Variants in GALNT9 observed in about 807,000 individuals in gnomAD.
GALNT9 encodes GalNAc transferase 9.
A neutral mutation model predicts 63.1 loss-of-function variants in GALNT9; 47 were observed. The ratio of observed to expected loss-of-function variants is 0.75; its 90% CI spans 0.59 to 0.95. The LOEUF (loss-of-function observed/expected upper bound fraction) is 0.95, where lower values mean the gene tolerates loss of function less well. Among genes scored for constraint, GALNT9 ranks in the 40% least tolerant of loss-of-function variants. GALNT9 has a pLI of 0.00. For synonymous variants in GALNT9, 396 were observed against 365.7 expected (o/e 1.08, Z -0.94); for missense variants, 829 against 874.8 (o/e 0.95, Z 0.66).
At chr12:132,198,716 G>A (rs1477724929) in intron 9 of GALNT9, among the ~76,000 whole-genome samples, 1 of 152,140 alleles carries the variant, frequency 6.6e-6, no homozygotes, top group Non-Finnish European at 1.5e-5. Context: ...GAGTGCACTG[G>A]TGTGATCTCA....
At chr12:132,259,823 C>T (rs999740624) in intron 4 of GALNT9, among the ~76,000 whole-genome samples, 1 of 152,144 alleles carries the variant, frequency 6.6e-6, no homozygotes, top group Non-Finnish European at 1.5e-5. Context: ...CCATATTTCC[C>T]TGAGTTGAAA....
chr12:132,250,754 G>A (rs868918427), intron 5 of GALNT9, among the ~76,000 whole-genome samples: 2 of 152,196 alleles, frequency 1.3e-5, no homozygotes, highest in African/African-American at 2.4e-5. Context: ...TGACGCCACT[G>A]CACTCCAGCC....
At chr12:132,203,020 C>T (rs1339115600) in intron 7 of GALNT9, among the ~76,000 whole-genome samples, 4 of 152,160 alleles carry the variant, frequency 2.6e-5, no homozygotes, top group Non-Finnish European at 4.4e-5. Context: ...GTGACTCAGC[C>T]ATGGTGGGGG....
intron 6 of GALNT9, among the ~76,000 whole-genome samples, chr12:132,227,301 C>T (rs1022691353): frequency 6.6e-6 from 1 of 152,212 alleles, no homozygotes; most frequent in African/African-American, 2.4e-5. Flanking sequence ...TGCATGGTGC[C>T]GTCCCCGAAC....
At chr12:132,322,487 G>C (rs933213099) in intron 1 of GALNT9, among the ~76,000 whole-genome samples, 6 of 152,244 alleles carry the variant, frequency 3.9e-5, no homozygotes, top group Non-Finnish European at 8.8e-5. Context: ...TTCGAGCACA[G>C]CAAGCACCCA....
chr12:132,295,459 T>C (rs1375833180), intron 1 of GALNT9, among the ~76,000 whole-genome samples: 2 of 151,884 alleles, frequency 1.3e-5, no homozygotes, highest in Non-Finnish European at 2.9e-5. Context: ...CGGTCTTCGC[T>C]GACGTCATCA....
chr12:132,221,597 GT>G (rs1332676105), intron 6 of GALNT9, among the ~76,000 whole-genome samples: 1 of 141,504 alleles, frequency 7.1e-6, no homozygotes, highest in Non-Finnish European at 1.5e-5. Flanking sequence ...GGAGGTGGAG[GT>G]TGCAGTGAGT....
Position 132,327,309 on chromosome 12 carries a change from C to A in GALNT9, c.238+1657G>T, listed in dbSNP as rs1266638187. On this transcript the variant is annotated intron_variant, in intron 1 of 10. Coordinates refer to ENST00000328957, the MANE Select transcript of GALNT9 (RefSeq NM_001122636.2). This position sits in a 1 kb window ranked among gnomAD's most constrained non-coding sequence, Gnocchi z 4.3. ...GCGGTGGGCGGTGGGGGGAGACACACTTTCCCGGAATGCTTCCTTATCTCC... is the reference window on the plus strand; with the variant it reads ...GCGGTGGGCGGTGGGGGGAGACACAATTTCCCGGAATGCTTCCTTATCTCC... Among the ~76,000 whole-genome samples the A allele has an allele frequency of 6.6e-6, 1 of 151,874 alleles. No homozygotes were observed. The highest frequency in any genetic ancestry group is 1.5e-5 in the Non-Finnish European group (1 of 67,936).
intron 7 of GALNT9, among the ~76,000 whole-genome samples, chr12:132,202,280 A>C (rs1364979662): frequency 6.6e-6 from 1 of 152,028 alleles, no homozygotes; most frequent in Non-Finnish European, 1.5e-5. Flanking sequence ...GGAGGTCATC[A>C]CCCTGCACGT....
intron 6 of GALNT9, among the ~76,000 whole-genome samples, chr12:132,223,318 CAT>C (rs1877549652): frequency 2.6e-5 from 1 of 37,780 alleles, no homozygotes. Context: ...CCACACCCCA[CAT>C]ACACCCCACA....
rs1184782258 is a variant in GALNT9 at position 132,252,612 on chromosome 12, C to T, written c.960-4585G>A. ...ACGGAGACCTGGCTGGGCGCACTGG[C>T]TCATGCCTGTAATCCCAGCACTTTG... On this transcript the variant is annotated intron_variant, in intron 5 of 10. Transcript: ENST00000328957. This position sits in a 1 kb window ranked among gnomAD's most constrained non-coding sequence, Gnocchi z 5.2. Among the ~76,000 whole-genome samples the T allele has an allele frequency of 1.3e-5, 2 of 152,202 alleles. No homozygotes were observed. Among genetic ancestry groups the T allele is most frequent in the African/African-American group, 4.8e-5 (2 of 41,446 alleles).
intron 6 of GALNT9, among the ~76,000 whole-genome samples, chr12:132,213,459 C>T (rs1008981669): frequency 4.2e-4 from 45 of 106,014 alleles, no homozygotes; most frequent in African/African-American, 1.6e-3. Flanking sequence ...CTGTTACCCC[C>T]ACACACAGGC....
At chr12:132,305,975 G>A (rs1231894365) in intron 1 of GALNT9, among the ~76,000 whole-genome samples, 9 of 152,304 alleles carry the variant, frequency 5.9e-5, no homozygotes, top group East Asian at 3.9e-4. Flanking sequence ...CACCTGGGCC[G>A]GGGGGCTCAC....
In GALNT9 at chr12:132,199,159, C is replaced by A; in HGVS notation, c.1497+15G>T. 1 of 1,559,724 alleles carries A rather than the reference C, an allele frequency of 6.4e-7. No homozygotes were observed. Among genetic ancestry groups the A allele is most frequent in the African/African-American group, 1.4e-5 (1 of 74,068 alleles). On this transcript the variant is annotated intron_variant, in intron 9 of 10. Transcript: ENST00000328957. ...TCCCCTTGGGAGCTGCATGGGTGGCCGCTGCTACTCCTACCTGGGAGGACA... is the reference window on the plus strand; with the variant it reads ...TCCCCTTGGGAGCTGCATGGGTGGCAGCTGCTACTCCTACCTGGGAGGACA...
chr12:132,221,350 C>CAAAAAAAAAA (rs869246524), intron 6 of GALNT9, among the ~76,000 whole-genome samples: 1 of 46,806 alleles, frequency 2.1e-5, no homozygotes, highest in Non-Finnish European at 3.3e-5. Context: ...AGATTGTGTC[C>CAAAAAAAAAA]AAAAAAAAAA....
At chr12:132,208,458 C>T (rs1461434196) in intron 6 of GALNT9, among the ~76,000 whole-genome samples, 1 of 152,254 alleles carries the variant, frequency 6.6e-6, no homozygotes, top group East Asian at 1.9e-4. Context: ...AGGCCTTCGT[C>T]ACGTGATTTG....
chr12:132,261,069 C>CG lies in GALNT9; in HGVS notation c.639dup (p.Val214ArgfsTer32), dbSNP rs1566003740. 1.3e-6 allele frequency: 2 copies of CG among 1,551,582 alleles called. No individual in the cohort carries two copies. The highest frequency in any genetic ancestry group is 1.7e-6 in the Non-Finnish European group (2 of 1,146,966). ...CGCCGGCTGTTGCGGACAATCTTCA[C>CG]GAGGCCTGGGTACCGCTTGTTGACG... On this transcript the variant is annotated frameshift_variant, in exon 4 of 11. Transcript: ENST00000328957. LOFTEE classifies it high-confidence loss of function.
Position 132,316,251 on chromosome 12 carries a change from G to A in GALNT9, c.238+12715C>T, listed in dbSNP as rs538689829. 3.9e-5 allele frequency among the ~76,000 whole-genome samples: 6 copies of A among 152,030 alleles called. No homozygotes were observed. The highest frequency in any genetic ancestry group is 7.4e-5 in the Non-Finnish European group (5 of 68,000). On this transcript the variant is annotated intron_variant, in intron 1 of 10. Coordinates refer to ENST00000328957, the MANE Select transcript of GALNT9 (RefSeq NM_001122636.2). This position sits in a 1 kb window ranked among gnomAD's most constrained non-coding sequence, Gnocchi z 4.3. The stretch of plus-strand genomic sequence containing the variant: ...CAGTGCCTGCCCCGGGCCCCGACCT[G>A]CAAAGGGGGGTGCCATGATTCTCTA...
At chr12:132,203,036 T>C (rs1876298439) in intron 7 of GALNT9, among the ~76,000 whole-genome samples, 1 of 151,930 alleles carries the variant, frequency 6.6e-6, no homozygotes, top group Admixed American at 6.5e-5. Context: ...GGGGGTGACC[T>C]GGAAAAGGTG....
Sources: allele counts gnomAD v4.1 joint callset (sites outside exome capture counted in the v4.1 genomes callset), GRCh38; gene constraint gnomAD v4.1.1; non-coding constraint Gnocchi (gnomAD v3.1); transcripts MANE v1.5; gene names NCBI Gene and HGNC (gene_info 2026-07-23, HGNC 2026-07-21).